Variants in MCM6 observed in about 807,000 individuals in gnomAD.
The protein encoded by MCM6 is minichromosome maintenance complex component 6, also known as DNA replication licensing factor MCM6.
A neutral mutation model predicts 94.3 loss-of-function variants in MCM6; 46 were observed. The ratio of observed to expected loss-of-function variants is 0.49; its 90% CI spans 0.39 to 0.62. The LOEUF is 0.62. Among genes scored for constraint, MCM6 ranks in the 20% least tolerant of loss-of-function variants. The probability of loss-of-function intolerance (pLI) is 0.00; values close to 1 mark genes in which losing one functional copy is unlikely to be tolerated. For missense variants in MCM6, 865 were observed against 1,017.9 expected, an observed-to-expected ratio of 0.85 and a Z score of 2.04; for synonymous variants, 335 against 351.9, an observed-to-expected ratio of 0.95 and a Z score of 0.54.
intron 11 of MCM6, among the ~76,000 whole-genome samples, chr2:135,854,810 CTGCAGT>C (rs1679842933): frequency 6.6e-6 from 1 of 151,942 alleles, no homozygotes; most frequent in Non-Finnish European, 1.5e-5. Flanking sequence ...GAGGCTGAGG[CTGCAGT>C]GAGCCATGAT....
intron 16 of MCM6, among the ~76,000 whole-genome samples, chr2:135,841,753 C>A (rs1278107322): frequency 6.6e-6 from 1 of 152,262 alleles, no homozygotes; most frequent in Admixed American, 6.5e-5. Context: ...CTCATCAGCA[C>A]AGTATAAGCT....
intron 1 of MCM6, among the ~76,000 whole-genome samples, chr2:135,873,418 A>AG (rs1680240013): frequency 6.6e-6 from 1 of 152,256 alleles, no homozygotes; most frequent in Non-Finnish European, 1.5e-5. Flanking sequence ...GCAGAACAGA[A>AG]ATAAGAATAC....
intron 4 of MCM6, among the ~76,000 whole-genome samples, chr2:135,867,527 T>C (rs1392317180): frequency 6.6e-6 from 1 of 152,192 alleles, no homozygotes; most frequent in African/African-American, 2.4e-5. Flanking sequence ...ATAAATAATA[T>C]TAAATTCATC....
At chr2:135,872,262 A>G (rs1309440043) in intron 2 of MCM6, among the ~76,000 whole-genome samples, 1 of 152,158 alleles carries the variant, frequency 6.6e-6, no homozygotes, top group African/African-American at 2.4e-5. Flanking sequence ...CCTGACCAAC[A>G]TGGTGACACC....
intron 1 of MCM6, among the ~76,000 whole-genome samples, chr2:135,875,386 T>C (rs1227626089): frequency 1.3e-5 from 2 of 149,548 alleles, no homozygotes; most frequent in Non-Finnish European, 3.0e-5. Context: ...AGTTTGGAGA[T>C]GGGAGAGTGG....
chr2:135,862,282 GTATAAAATTTTATA>G (rs1680009610), intron 8 of MCM6, among the ~76,000 whole-genome samples: 1 of 13,950 alleles, frequency 7.2e-5, no homozygotes, highest in Non-Finnish European at 1.7e-4. Flanking sequence ...AATAAAATTT[GTATAAAATTTTATA>G]CAAATAATAA....
Position 135,839,769 on chromosome 2 carries a change from A to G in MCM6, c.*1066T>C, listed in dbSNP as rs1244884953. On this transcript the variant is annotated 3_prime_UTR_variant, in exon 17 of 17. Transcript: ENST00000264156. ...CATATTTAAATCATTGTTTTAACCT[A>G]TATTAATCTGTCTTGCTTTCTACTA... is the stretch of plus-strand genomic sequence containing the variant. The G allele has an allele frequency of 6.6e-6, 1 of 152,224 alleles. No homozygotes were observed. The highest frequency in any genetic ancestry group is 1.5e-5 in the Non-Finnish European group (1 of 68,042). 9.4% of individuals were successfully genotyped at this position (152,224 alleles called of 1,614,324 possible). A position where few individuals can be genotyped will look rare whatever the true frequency, so the allele number is the denominator to read the frequency against.
intron 10 of MCM6, among the ~76,000 whole-genome samples, chr2:135,857,390 C>T (rs1679911254): frequency 6.6e-6 from 1 of 152,202 alleles, no homozygotes; most frequent in African/African-American, 2.4e-5. Flanking sequence ...TTTTCCTCCT[C>T]CTAAAATTCC....
intron 16 of MCM6, among the ~76,000 whole-genome samples, chr2:135,842,586 T>C (rs993356323): frequency 6.6e-6 from 1 of 152,204 alleles, no homozygotes; most frequent in Non-Finnish European, 1.5e-5. Context: ...AATATACTGC[T>C]GGGCCATGTT....
chr2:135,851,624 C>T (rs1679781572), intron 12 of MCM6, 61 bp from the exon 13 acceptor site: 2 of 1,422,788 alleles, frequency 1.4e-6, no homozygotes, highest in African/African-American at 2.8e-5. Context: ...CTACGGTAAA[C>T]CTAAGTTTAA....
chr2:135,866,693 T>C lies in MCM6; in HGVS notation c.651A>G (p.Arg217=). The C allele has an allele frequency of 1.2e-6, 2 of 1,613,062 alleles. No homozygotes were observed. Among genetic ancestry groups the C allele is most frequent in the Non-Finnish European group, 1.7e-6 (2 of 1,179,656 alleles). ...RIQETQAELP[R]GSIPRSLEVI... is the part of the protein sequence containing the mutation. ...CTTCTAAACTGCGGGGGATACTCCC[T>C]CGAGGAAGCTCAGCTTGGGTCTCTT... The change falls in exon 5 of 17, where the codon CGA becomes CGG. Residue 217 remains arginine, a synonymous_variant. Coordinates refer to ENST00000264156, the MANE Select transcript of MCM6 (RefSeq NM_005915.6).
At chr2:135,869,309 G>A (rs530831673) in intron 3 of MCM6, among the ~76,000 whole-genome samples, 1 of 151,448 alleles carries the variant, frequency 6.6e-6, no homozygotes, top group East Asian at 2.0e-4. Flanking sequence ...GCCGAGGCAG[G>A]AGAATTGTTT....
At chr2:135,846,780 C>A (rs1679679820) in intron 14 of MCM6, among the ~76,000 whole-genome samples, 1 of 152,074 alleles carries the variant, frequency 6.6e-6, no homozygotes, top group South Asian at 2.1e-4. Flanking sequence ...AAGGGAAGCA[C>A]ATCACCTGAG....
intron 2 of MCM6, 21 bp downstream of exon 2, chr2:135,872,676 A>T (rs1298260542): frequency 6.2e-7 from 1 of 1,611,738 alleles, no homozygotes; most frequent in Non-Finnish European, 8.5e-7. Flanking sequence ...TTCAAAGTAA[A>T]GAAGATTAAT....
chr2:135,871,251 G>A (rs1680194977), intron 2 of MCM6, among the ~76,000 whole-genome samples: 1 of 152,224 alleles, frequency 6.6e-6, no homozygotes, highest in South Asian at 2.1e-4. Context: ...TCAGGAAAGA[G>A]AACTGCTGCC....
chr2:135,848,158 G>T lies in MCM6; in HGVS notation c.1948C>A (p.Arg650=). ...VQPKHVKEAF[R]LLNKSIIRVE... ...CGGATGATTGATTTATTCAGTAACC[G>T]GAAAGCTTCCTTCACATGTTTAGGT... is the stretch of plus-strand genomic sequence containing the variant. Residue 650 remains arginine (R), a synonymous_variant, in exon 14 of 17, where the codon CGG becomes AGG. Transcript: ENST00000264156. The T allele has an allele frequency of 6.2e-7, 1 of 1,611,762 alleles. No homozygotes were observed. The highest frequency in any genetic ancestry group is 8.5e-7 in the Non-Finnish European group (1 of 1,178,046).
At chr2:135,844,138 T>C (rs1679630230) in intron 16 of MCM6, among the ~76,000 whole-genome samples, 1 of 151,780 alleles carries the variant, frequency 6.6e-6, no homozygotes. Flanking sequence ...AAAAAAGTTA[T>C]ATTTAACCAA....
At chr2:135,859,221 T>C in intron 9 of MCM6, 80 bp downstream of exon 9, 1 of 1,171,156 alleles carries the variant, frequency 8.5e-7, no homozygotes, top group Non-Finnish European at 1.2e-6. Context: ...GACATCTTTT[T>C]AATGGTAACT....
chr2:135,867,730 TA>T (rs895778307), intron 4 of MCM6, among the ~76,000 whole-genome samples: 1 of 151,166 alleles, frequency 6.6e-6, no homozygotes, highest in Admixed American at 6.6e-5. Flanking sequence ...AGTTTGCTTT[TA>T]AAAAAAAACA....
Sources: allele counts gnomAD v4.1 joint callset (sites outside exome capture counted in the v4.1 genomes callset), GRCh38; gene constraint gnomAD v4.1.1; transcripts MANE v1.5; gene names NCBI Gene and HGNC (gene_info 2026-07-23, HGNC 2026-07-21).